The following SMG1 variants were observed in gnomAD, a reference collection of about 807,000 sequenced individuals.
The protein encoded by SMG1 is SMG1 nonsense mediated mRNA decay associated PI3K related kinase.
Under a neutral mutation model 419.9 loss-of-function variants are expected in SMG1, and 22 were observed. The ratio of observed to expected loss-of-function variants is 0.05; its 90% CI spans 0.04 to 0.07. The LOEUF (loss-of-function observed/expected upper bound fraction) is 0.07, where lower values mean the gene tolerates loss of function less well. Among genes scored for constraint, SMG1 ranks in the 10% least tolerant of loss-of-function variants. The pLI, the probability that SMG1 is intolerant of heterozygous loss-of-function variation, is 1.00. For missense variants in SMG1, 3,185 were observed against 4,342.0 expected, an observed-to-expected ratio of 0.73 and a Z score of 7.49; for synonymous variants, 1,538 against 1,553.5, an observed-to-expected ratio of 0.99 and a Z score of 0.23.
At position 18,829,435 on chromosome 16, in the gene SMG1, A is replaced by G; in HGVS notation, c.9454T>C (p.Ser3152Pro). The G allele has an allele frequency of 6.2e-7, 1 of 1,614,030 alleles. No homozygotes were observed. Among genetic ancestry groups the G allele is most frequent in the Non-Finnish European group, 8.5e-7 (1 of 1,179,890 alleles). Residue 3152 changes from serine to proline, a missense_variant, in exon 54 of 63, where the codon TCT (serine) becomes CCT (proline). This residue lies in a region of SMG1 where 737 missense variants were observed against 846.6 expected (regional missense o/e 0.87). Coordinates refer to ENST00000446231, the MANE Select transcript of SMG1 (RefSeq NM_015092.5). Reference sequence around the variant, plus strand: ...GTTGCCCTGTTCATAACCAGCTGAGAGAACTTCCCTATCTGGATGTTATGT... The same window carrying G: ...GTTGCCCTGTTCATAACCAGCTGAGGGAACTTCCCTATCTGGATGTTATGT... ...VEHNIQIGKF[S>P]QLVMNRATVL...
rs759204419 is a variant in SMG1 at position 18,817,408 on chromosome 16, G to C, written c.9957C>G (p.Ala3319=). ...CAAATAACGCCGCATCCAGGTTTAAGGCTTCTGCAGTTCTTGTTCGTAAAC... is the reference window on the plus strand; with the variant it reads ...CAAATAACGCCGCATCCAGGTTTAACGCTTCTGCAGTTCTTGTTCGTAAAC... ...FESLRTRTAE[A]LNLDAALFEL... Residue 3319 remains alanine (A), a synonymous_variant, in exon 57 of 63, where the codon GCC becomes GCG. Coordinates refer to ENST00000446231, the MANE Select transcript of SMG1 (RefSeq NM_015092.5). The C allele has an allele frequency of 1.4e-5, 23 of 1,603,462 alleles. No homozygotes were observed. The highest frequency in any genetic ancestry group is 6.9e-5 in the Admixed American group (4 of 58,292).
chr16:18,902,785 A>T lies in SMG1; in HGVS notation c.93-5829T>A, dbSNP rs2037400382. On this transcript the variant is annotated intron_variant, in intron 1 of 62. Coordinates refer to ENST00000446231, the MANE Select transcript of SMG1 (RefSeq NM_015092.5). ...ATGCAAGGGTCATCTTATGGACTGGACTCCCTCTTACTCTGCACTCATATT... is the reference window on the plus strand; with the variant it reads ...ATGCAAGGGTCATCTTATGGACTGGTCTCCCTCTTACTCTGCACTCATATT... Among the ~76,000 whole-genome samples, 12 of 151,712 alleles carry T rather than the reference A, an allele frequency of 7.9e-5. 1 individual carries two copies. The South Asian group carries it at 2.5e-3, about 32-fold the overall frequency.
At position 18,834,327 on chromosome 16, in the gene SMG1, G is replaced by A. The variant is rs769989903; in HGVS notation, c.8442C>T (p.Asn2814=). 1.1e-5 allele frequency: 17 copies of A among 1,613,440 alleles called. 1 individual carries two copies. The highest frequency in any genetic ancestry group is 1.6e-4 in the Middle Eastern group (1 of 6,084). The part of the protein sequence containing the change: ...FLEELCSMSG[N]VTCLVQLLKQ... Reference sequence around the variant, plus strand: ...TCAGTAACTGAACCAAGCAGGTGACGTTTCCGCTCATACTGCAGAGTTCCT... The same window carrying A: ...TCAGTAACTGAACCAAGCAGGTGACATTTCCGCTCATACTGCAGAGTTCCT... Residue 2814 remains asparagine (N), a synonymous_variant, in exon 50 of 63, where the codon AAC becomes AAT. Coordinates refer to ENST00000446231, the MANE Select transcript of SMG1 (RefSeq NM_015092.5).
chr16:18,858,102 C>G, intron 29 of SMG1, 68 bp downstream of exon 29: 1 of 1,400,428 alleles, frequency 7.1e-7, no homozygotes, highest in Non-Finnish European at 9.6e-7. Context: ...TAATATAAAC[C>G]TCAATAAAGC....
intron 12 of SMG1, 53 bp downstream of exon 12, chr16:18,877,078 C>A (rs1310283059): frequency 1.5e-6 from 2 of 1,315,274 alleles, no homozygotes; most frequent in East Asian, 5.0e-5. Context: ...AACATTAGGT[C>A]CAACTCTTCA....
At chr16:18,850,617 T>A in intron 33 of SMG1, 150 bp from the exon 34 acceptor site, 1 of 607,098 alleles carries the variant, frequency 1.6e-6, no homozygotes, top group East Asian at 2.8e-5. Flanking sequence ...TCAATGTCAG[T>A]ATGCTTCTCT....
At chr16:18,835,280 T>A in intron 48 of SMG1, 116 bp from the exon 49 acceptor site, 1 of 1,122,140 alleles carries the variant, frequency 8.9e-7, no homozygotes, top group Non-Finnish European at 1.2e-6. Flanking sequence ...ATTTACATTT[T>A]ACAGATAAAA....
intron 60 of SMG1, among the ~76,000 whole-genome samples, chr16:18,814,741 AT>A (rs11308694): frequency 0.49 from 74,339 of 150,494 alleles, 18,736 homozygotes; most frequent in Middle Eastern, 0.6. Flanking sequence ...CACCCAGCTA[AT>A]TTTTTTTGTA....
At chr16:18,898,852 G>C (rs2037236593) in intron 1 of SMG1, among the ~76,000 whole-genome samples, 1 of 152,094 alleles carries the variant, frequency 6.6e-6, no homozygotes, top group Admixed American at 6.6e-5. Flanking sequence ...AGGCAGCAGA[G>C]AATACAAGTT....
rs776555336 is a variant in SMG1 at position 18,864,111 on chromosome 16, G to A, written c.3384C>T (p.His1128=). 1.9e-6 allele frequency: 3 copies of A among 1,548,758 alleles called. No individual in the cohort carries two copies. The South Asian group carries it at 3.6e-5, about 18-fold the overall frequency. The part of the protein sequence containing the change: ...FEKASVEYQE[H]LCAMTGVDCC... ...AATCAACACCTGTCATGGCACACAG[G>A]TGTTCCTGGTACTCCACAGAGGCCT... The change falls in exon 24 of 63, where the codon CAC becomes CAT. Residue 1128 remains histidine, a synonymous_variant. Coordinates refer to ENST00000446231, the MANE Select transcript of SMG1 (RefSeq NM_015092.5).
chr16:18,862,610 T>C (rs978645744), intron 25 of SMG1, among the ~76,000 whole-genome samples: 7 of 152,190 alleles, frequency 4.6e-5, no homozygotes, highest in Non-Finnish European at 7.3e-5. Flanking sequence ...CCCTCTACCA[T>C]TGCCCCCATA....
At chr16:18,858,329 G>T in intron 28 of SMG1, 39 bp from the exon 29 acceptor site, 1 of 1,562,402 alleles carries the variant, frequency 6.4e-7, no homozygotes. Flanking sequence ...CATAAAACAG[G>T]CTGTTGATAT....
intron 42 of SMG1, among the ~76,000 whole-genome samples, 172 bp from the exon 43 acceptor site, chr16:18,838,861 T>C (rs999007333): frequency 4.6e-5 from 7 of 152,230 alleles, no homozygotes; most frequent in African/African-American, 1.4e-4. Flanking sequence ...TATGCAGGCA[T>C]ACAACACTGT....
chr16:18,884,286 T>G (rs1334426841), intron 8 of SMG1, 119 bp from the exon 9 acceptor site: 2 of 515,976 alleles, frequency 3.9e-6, no homozygotes, highest in Non-Finnish European at 3.5e-6. Context: ...CAGCATACCC[T>G]AAAACATGTC....
chr16:18,827,350 C>T (rs975232449), intron 55 of SMG1, among the ~76,000 whole-genome samples: 16 of 151,440 alleles, frequency 1.1e-4, no homozygotes, highest in Middle Eastern at 3.4e-3. Context: ...CGCTTGAACC[C>T]GAGAGGCAGA....
At position 18,868,253 on chromosome 16, in the gene SMG1, A is replaced by G; in HGVS notation, c.3132T>C (p.Pro1044=). The part of the protein sequence containing the change: ...IMRVGLLAGQ[P]AVTVRHGFDL... The stretch of plus-strand genomic sequence containing the variant: ...CAAAGCCATGTCTCACTGTCACTGC[A>G]GGCTGGCCTGCCAACAATCCTACCC... Residue 1044 remains proline (P), a synonymous_variant, in exon 22 of 63, where the codon CCT becomes CCC. Coordinates refer to ENST00000446231, the MANE Select transcript of SMG1 (RefSeq NM_015092.5). The G allele has an allele frequency of 5.9e-6, 9 of 1,537,582 alleles. No homozygotes were observed. The highest frequency in any genetic ancestry group is 7.9e-6 in the Non-Finnish European group (9 of 1,144,386).
intron 10 of SMG1, among the ~76,000 whole-genome samples, chr16:18,880,461 C>T (rs1187658369): frequency 6.6e-6 from 1 of 152,122 alleles, no homozygotes; most frequent in Admixed American, 6.5e-5. Context: ...ATCTATCATC[C>T]TAGCACTTTG....
Position 18,836,127 on chromosome 16 carries a change from C to T in SMG1, c.7863G>A (p.Gly2621=), listed in dbSNP as rs2033554773. The change falls in exon 48 of 63, where the codon GGG becomes GGA. Residue 2621 remains glycine, a synonymous_variant. Transcript: ENST00000446231. ...TCTGCTGCAGGAGAGCACCAACCTC[C>T]CCCTCCAGCTGCTCGCACTGGCTAA... The part of the protein sequence containing the change: ...HLISQCEQLE[G]EVGALLQQRR... 1.2e-6 allele frequency: 2 copies of T among 1,609,664 alleles called. No homozygotes were observed. The highest frequency in any genetic ancestry group is 1.7e-6 in the Non-Finnish European group (2 of 1,178,090).
In SMG1 at chr16:18,829,183, A is replaced by G. The variant is rs142006701; in HGVS notation, c.9603+103T>C. The G allele has an allele frequency of 5.8e-5, 56 of 960,394 alleles. No individual in the cohort carries two copies. In the East Asian group the frequency reaches 1.3e-3, roughly 22 times the overall value. The allele number at this position is 960,394 out of a possible 1,614,324, so 59.5% of individuals were successfully genotyped here. A position where few individuals can be genotyped will look rare whatever the true frequency, so the allele number is the denominator to read the frequency against. The stretch of plus-strand genomic sequence containing the variant: ...GTTTGCATTGGGTTGCTGTGAGTTC[A>G]GGAAGTTTTAAAAAAATTTCTGTGT... On this transcript the variant is annotated intron_variant, in intron 54 of 62. Coordinates refer to ENST00000446231, the MANE Select transcript of SMG1 (RefSeq NM_015092.5).
Sources: gnomAD v4.1 joint callset for allele counts (sites outside exome capture counted in the v4.1 genomes callset) on GRCh38, gnomAD v4.1.1 for gene constraint, gnomAD v4.1.1 regional missense constraint, MANE v1.5 for transcripts, NCBI Gene and HGNC (gene_info 2026-07-23, HGNC 2026-07-21) for gene names.